HOMER1: variants seen among roughly 807,000 people sequenced by gnomAD.
HOMER1 encodes homer protein homolog 1.
Under a neutral mutation model 48.9 loss-of-function variants are expected in HOMER1, and 3 were observed. The ratio of observed to expected loss-of-function variants is 0.06; its 90% confidence interval spans 0.03 to 0.16. The LOEUF (loss-of-function observed/expected upper bound fraction) is 0.16. Among genes scored for constraint, HOMER1 ranks in the 10% least tolerant of loss-of-function variants. The probability of loss-of-function intolerance (pLI) is 1.00; values close to 1 mark genes in which losing one functional copy is unlikely to be tolerated. For missense variants in HOMER1, 247 were observed against 411.4 expected (o/e 0.60, Z 3.46); for synonymous variants, 134 against 146.4 (o/e 0.92, Z 0.61).
intron 8 of HOMER1, among the ~76,000 whole-genome samples, chr5:79,392,669 T>C (rs1314757945): frequency 2.6e-5 from 4 of 152,232 alleles, no homozygotes; most frequent in Non-Finnish European, 5.9e-5. Context: ...AAGTGCAGTG[T>C]TGATAAAGTC....
chr5:79,441,928 G>A (rs555213359), intron 4 of HOMER1, among the ~76,000 whole-genome samples: 10 of 150,824 alleles, frequency 6.6e-5, no homozygotes, highest in Non-Finnish European at 1.5e-4. Context: ...TAAATTGTGT[G>A]TAATTTCCTA....
At chr5:79,402,168 C>CTTTT in intron 5 of HOMER1, 113 bp from the exon 6 acceptor site, 17 of 657,552 alleles carry the variant, frequency 2.6e-5, no homozygotes, top group Middle Eastern at 4.7e-4. Flanking sequence ...GTTTTCTTTT[C>CTTTT]TTTTTTTTTT....
chr5:79,443,333 C>T (rs1750790575), intron 4 of HOMER1, among the ~76,000 whole-genome samples: 1 of 152,066 alleles, frequency 6.6e-6, no homozygotes, highest in Admixed American at 6.6e-5. Context: ...TAATATCTAA[C>T]ATAGGAATAG....
chr5:79,412,954 AG>A (rs1749847442), intron 5 of HOMER1, among the ~76,000 whole-genome samples: 1 of 152,238 alleles, frequency 6.6e-6, no homozygotes, highest in African/African-American at 2.4e-5. Flanking sequence ...AGATATAAGG[AG>A]GAATCAAATG....
At chr5:79,377,108 G>A (rs752335047) in intron 8 of HOMER1, among the ~76,000 whole-genome samples, 1 of 152,070 alleles carries the variant, frequency 6.6e-6, no homozygotes, top group Admixed American at 6.6e-5. Context: ...TGGGATTACA[G>A]GCACACGCCA....
intron 1 of HOMER1, chr5:79,510,553 G>C: frequency 1.3e-6 from 1 of 753,904 alleles, no homozygotes; most frequent in East Asian, 2.5e-5. Context: ...CCAAGTTCCT[G>C]AGGAACATGC....
At chr5:79,415,078 T>C (rs1749908369) in intron 5 of HOMER1, among the ~76,000 whole-genome samples, 1 of 152,012 alleles carries the variant, frequency 6.6e-6, no homozygotes, top group African/African-American at 2.4e-5. Context: ...TTTTGAGACA[T>C]GGTCTCACTC....
chr5:79,400,326 C>T (rs1749501079), intron 6 of HOMER1, among the ~76,000 whole-genome samples: 1 of 151,766 alleles, frequency 6.6e-6, no homozygotes, highest in Admixed American at 6.6e-5. Context: ...AACATTTCCA[C>T]TCTGTCTCAA....
Position 79,502,548 on chromosome 5 carries a change from C to T in HOMER1, c.5+10222G>A, listed in dbSNP as rs1241014146. On this transcript the variant is annotated intron_variant, in intron 1 of 8. Coordinates refer to ENST00000334082, the MANE Select transcript of HOMER1 (RefSeq NM_004272.5). ...AGCGCTTTTATGAGTCTCTTTCAAA[C>T]GTTTTTATGCATATACAGAATTTTA... Among the ~76,000 whole-genome samples, 4 of 152,122 alleles carry T rather than the reference C, an allele frequency of 2.6e-5. No homozygotes were observed. The East Asian group carries it at 7.7e-4, about 29-fold the overall frequency.
intron 2 of HOMER1, 76 bp downstream of exon 2, chr5:79,456,786 A>T: frequency 8.0e-7 from 1 of 1,249,766 alleles, no homozygotes; most frequent in South Asian, 1.5e-5. Flanking sequence ...TGAAGATAAA[A>T]TGTTCTGAAT....
intron 5 of HOMER1, among the ~76,000 whole-genome samples, chr5:79,422,825 CTCT>C (rs1223340527): frequency 7.0e-6 from 1 of 143,100 alleles, no homozygotes; most frequent in African/African-American, 2.7e-5. Context: ...AAAAGATGAT[CTCT>C]TTTTTTTTTT....
intron 5 of HOMER1, 131 bp downstream of exon 5, chr5:79,438,876 TAAA>T (rs78093840): frequency 0.01 from 4,819 of 480,652 alleles, no homozygotes; most frequent in East Asian, 0.016. Context: ...ACAGAAGCAG[TAAA>T]AAAAAAAAAA....
chr5:79,403,329 T>C (rs1561350067), intron 5 of HOMER1, among the ~76,000 whole-genome samples: 1 of 152,206 alleles, frequency 6.6e-6, no homozygotes, highest in Non-Finnish European at 1.5e-5. Context: ...TGATATTTTA[T>C]AGTAATTTTA....
chr5:79,500,033 T>C (rs1752532206), intron 1 of HOMER1, among the ~76,000 whole-genome samples: 1 of 152,100 alleles, frequency 6.6e-6, no homozygotes, highest in Admixed American at 6.6e-5. Flanking sequence ...AACTGCCTGA[T>C]ATGTGCTGCA....
At chr5:79,473,203 CA>C (rs1751670475) in intron 1 of HOMER1, among the ~76,000 whole-genome samples, 3 of 152,192 alleles carry the variant, frequency 2.0e-5, no homozygotes, top group Admixed American at 2.0e-4. Flanking sequence ...AAAAAGCAAG[CA>C]AATACTAAAG....
At position 79,497,583 on chromosome 5, in the gene HOMER1, T is replaced by C. The variant is rs901976378; in HGVS notation, c.5+15187A>G. Among the ~76,000 whole-genome samples the C allele has an allele frequency of 4.6e-5, 7 of 151,146 alleles. No individual in the cohort carries two copies. The East Asian group carries it at 1.4e-3, about 29-fold the overall frequency. On this transcript the variant is annotated intron_variant, in intron 1 of 8. Transcript: ENST00000334082. ...AGGGGACTGAGGCAGGAGAATCATT[T>C]GAACCCGGGAGGCGGAGGTTGCAGT...
chr5:79,507,189 G>A lies in HOMER1; in HGVS notation c.5+5581C>T, dbSNP rs181833258. On this transcript the variant is annotated intron_variant, in intron 1 of 8. Transcript: ENST00000334082. ...GATCGCGCCACTGCACTCCAGCCTG[G>A]GTGACAGAGTGAGGCTCTATCTCAA... is the stretch of plus-strand genomic sequence containing the variant. Among the ~76,000 whole-genome samples, 656 of 143,812 alleles carry A rather than the reference G, an allele frequency of 4.6e-3. 6 individuals are homozygous for A. Among genetic ancestry groups the A allele is most frequent in the African/African-American group, 0.016 (619 of 38,798 alleles). The allele number at this position is 143,812 out of a possible 152,430, so 94.3% of individuals were successfully genotyped here. A position where few individuals can be genotyped will look rare whatever the true frequency, so the allele number is the denominator to read the frequency against.
Position 79,375,322 on chromosome 5 carries a change from A to T in HOMER1, c.*687T>A, listed in dbSNP as rs908780024. 2.6e-5 allele frequency: 4 copies of T among 152,104 alleles called. No homozygotes were observed. The highest frequency in any genetic ancestry group is 9.7e-5 in the African/African-American group (4 of 41,446). The allele number at this position is 152,104 out of a possible 1,614,324, so 9.4% of individuals were successfully genotyped here. A position where few individuals can be genotyped will look rare whatever the true frequency, so the allele number is the denominator to read the frequency against. ...ACAATATCTTCTCATAAATACATGG[A>T]ATCAATATGGAAAAGTAAACTATAC... On this transcript the variant is annotated 3_prime_UTR_variant, in exon 9 of 9. Transcript: ENST00000334082.
chr5:79,482,929 G>A (rs968228727), intron 1 of HOMER1, among the ~76,000 whole-genome samples: 5 of 152,126 alleles, frequency 3.3e-5, no homozygotes, highest in African/African-American at 1.2e-4. Flanking sequence ...CTTGAGCCCA[G>A]GAGGTTGAGG....
Sources: gnomAD v4.1 joint callset for allele counts (sites outside exome capture counted in the v4.1 genomes callset) on GRCh38, gnomAD v4.1.1 for gene constraint, MANE v1.5 for transcripts, NCBI Gene and HGNC (gene_info 2026-07-23, HGNC 2026-07-21) for gene names.